SLCO1B1: variants seen among roughly 807,000 people sequenced by gnomAD.
SLCO1B1 encodes OATP-2.
A neutral mutation model predicts 70.1 loss-of-function variants in SLCO1B1; 81 were observed. The observed-to-expected ratio is 1.16, with a 90% CI of 0.97 to 1.39. The LOEUF (loss-of-function observed/expected upper bound fraction) is 1.39. SLCO1B1 is among the 40% of genes most tolerant of loss of function. The pLI is 0.00. For missense variants in SLCO1B1, 895 were observed against 799.6 expected, an observed-to-expected ratio of 1.12 and a Z score of -1.44; for synonymous variants, 283 against 271.5, an observed-to-expected ratio of 1.04 and a Z score of -0.42.
intron 14 of SLCO1B1, among the ~76,000 whole-genome samples, chr12:21,229,650 A>C (rs2121201135): frequency 6.6e-6 from 1 of 152,272 alleles, no homozygotes; most frequent in African/African-American, 2.4e-5. Context: ...ATGGCTTCCA[A>C]GTTTCATGTT....
intron 4 of SLCO1B1, 128 bp from the exon 5 acceptor site, chr12:21,176,648 C>A: frequency 1.4e-6 from 1 of 726,292 alleles, no homozygotes; most frequent in Non-Finnish European, 2.4e-6. Flanking sequence ...GGGAAATTGA[C>A]AGAAAGTACT....
In SLCO1B1 at chr12:21,141,559, T is replaced by C; in HGVS notation, c.-16T>C. The C allele has an allele frequency of 6.5e-7, 1 of 1,529,240 alleles. No homozygotes were observed. Among genetic ancestry groups the C allele is most frequent in the Non-Finnish European group, 9.1e-7 (1 of 1,104,482 alleles). The allele number at this position is 1,529,240 out of a possible 1,614,324, so 94.7% of individuals were successfully genotyped here. Reference sequence around the variant, plus strand: ...ATCAACAACAAAAACATTTGTATGATATCTATATTTCAATCATGGACCAAA... The same window carrying C: ...ATCAACAACAAAAACATTTGTATGACATCTATATTTCAATCATGGACCAAA... On this transcript the variant is annotated 5_prime_UTR_variant, in exon 2 of 15. Coordinates refer to ENST00000256958, the MANE Select transcript of SLCO1B1 (RefSeq NM_006446.5).
intron 2 of SLCO1B1, among the ~76,000 whole-genome samples, chr12:21,152,055 T>A (rs1181932731): frequency 1.3e-5 from 2 of 152,118 alleles, no homozygotes; most frequent in African/African-American, 4.8e-5. Context: ...AGTTTTTTGA[T>A]ACTTTGTTCT....
chr12:21,131,935 C>T (rs1329942689), intron 1 of SLCO1B1, among the ~76,000 whole-genome samples: 5 of 152,020 alleles, frequency 3.3e-5, no homozygotes, highest in African/African-American at 7.2e-5. Context: ...GTGCTGCACC[C>T]ATTAACTCAT....
chr12:21,207,855 T>C (rs1941231981), intron 11 of SLCO1B1, among the ~76,000 whole-genome samples: 1 of 152,058 alleles, frequency 6.6e-6, no homozygotes, highest in Non-Finnish European at 1.5e-5. Context: ...TGTGAGATGG[T>C]ATCTCCTTGG....
intron 1 of SLCO1B1, among the ~76,000 whole-genome samples, chr12:21,131,989 C>A (rs138959212): frequency 1.3e-5 from 2 of 152,160 alleles, no homozygotes; most frequent in East Asian, 3.9e-4. Flanking sequence ...CCTCCCCTCT[C>A]CCCCACCCCA....
At chr12:21,169,273 G>C (rs565088780) in intron 2 of SLCO1B1, among the ~76,000 whole-genome samples, 18 of 152,004 alleles carry the variant, frequency 1.2e-4, no homozygotes, top group Non-Finnish European at 4.4e-5. Flanking sequence ...AAATGTTTAG[G>C]TTCCTTTATC....
intron 2 of SLCO1B1, among the ~76,000 whole-genome samples, chr12:21,145,269 G>A (rs189404731): frequency 8.2e-4 from 124 of 152,130 alleles, no homozygotes; most frequent in African/African-American, 2.6e-3. Context: ...GTGTTACATA[G>A]AAACTCAATA....
intron 11 of SLCO1B1, among the ~76,000 whole-genome samples, chr12:21,210,779 G>T (rs11519275): frequency 6.8e-6 from 1 of 146,814 alleles, no homozygotes; most frequent in African/African-American, 2.5e-5. Flanking sequence ...CCTTCACATC[G>T]CTTGTAAGTT....
intron 4 of SLCO1B1, among the ~76,000 whole-genome samples, chr12:21,175,928 T>A (rs1363200408): frequency 6.6e-6 from 1 of 152,142 alleles, no homozygotes; most frequent in Non-Finnish European, 1.5e-5. Context: ...TATGCCATAA[T>A]ATGTGACACT....
chr12:21,221,643 C>G (rs778496545), intron 12 of SLCO1B1, among the ~76,000 whole-genome samples: 1 of 151,928 alleles, frequency 6.6e-6, no homozygotes, highest in Non-Finnish European at 1.5e-5. Flanking sequence ...CAACAAACAA[C>G]AAACATATGA....
intron 2 of SLCO1B1, among the ~76,000 whole-genome samples, chr12:21,154,627 G>A (rs1328917235): frequency 1.3e-5 from 2 of 151,708 alleles, no homozygotes; most frequent in African/African-American, 4.8e-5. Flanking sequence ...TTAAATTCTA[G>A]ACACTATGAC....
chr12:21,132,355 A>C (rs1291172495), intron 1 of SLCO1B1, among the ~76,000 whole-genome samples: 1 of 152,162 alleles, frequency 6.6e-6, no homozygotes, highest in East Asian at 1.9e-4. Context: ...ATATCCACTT[A>C]TGGGATGGCT....
At chr12:21,162,372 AT>A (rs1308546660) in intron 2 of SLCO1B1, among the ~76,000 whole-genome samples, 1 of 152,194 alleles carries the variant, frequency 6.6e-6, no homozygotes, top group Admixed American at 6.5e-5. Flanking sequence ...AAAGATATTC[AT>A]TGATAAACAC....
Position 21,148,920 on chromosome 12 carries a change from C to T in SLCO1B1, c.84+7262C>T, listed in dbSNP as rs185301394. Among the ~76,000 whole-genome samples, 784 of 152,076 alleles carry T rather than the reference C, an allele frequency of 5.2e-3. 2 individuals are homozygous for T. Among genetic ancestry groups the T allele is most frequent in the Middle Eastern group, 0.01 (3 of 294 alleles). ...TCATTGAGCAGTGGTTTGTAGTTCT[C>T]GTTGAAGAGGTCCCTCACACCCCTT... On this transcript the variant is annotated intron_variant, in intron 2 of 14. Coordinates refer to ENST00000256958, the MANE Select transcript of SLCO1B1 (RefSeq NM_006446.5).
chr12:21,232,018 T>C lies in SLCO1B1; in HGVS notation c.1866-6961T>C, dbSNP rs184443950. Among the ~76,000 whole-genome samples, 16 of 152,108 alleles carry C rather than the reference T, an allele frequency of 1.1e-4. No homozygotes were observed. In the East Asian group the frequency reaches 2.9e-3, roughly 28 times the overall value. On this transcript the variant is annotated intron_variant, in intron 14 of 14. Coordinates refer to ENST00000256958, the MANE Select transcript of SLCO1B1 (RefSeq NM_006446.5). ...AGTGTATGAGGTATTTTCAAATAGG[T>C]GGTAAGCAGTTTTTACAAGATCTAG...
At chr12:21,214,411 G>C (rs4573740) in intron 11 of SLCO1B1, among the ~76,000 whole-genome samples, 55,390 of 137,654 alleles carry the variant, frequency 0.4, 12,382 homozygotes, top group East Asian at 0.72. Flanking sequence ...AGGAGGCAGT[G>C]TGCCCGTTCT....
Position 21,178,680 on chromosome 12 carries a change from A to G in SLCO1B1, c.586A>G (p.Ile196Val), listed in dbSNP as rs1940852753. The G allele has an allele frequency of 2.5e-6, 4 of 1,607,546 alleles. No homozygotes were observed. Among genetic ancestry groups the G allele is most frequent in the East Asian group, 2.2e-5 (1 of 44,782 alleles). The stretch of plus-strand genomic sequence containing the variant: ...CATAGTACCATTGGGGCTTTCTTAC[A>G]TTGATGATTTCGCTAAAGAAGGACA... ...TPIVPLGLSY[I>V]DDFAKEGHSS... Residue 196 changes from isoleucine to valine, a missense_variant, in exon 6 of 15, where the codon ATT becomes GTT. Physicochemically the swap from Ile to Val is conservative, Grantham distance 29. Transcript: ENST00000256958.
intron 12 of SLCO1B1, among the ~76,000 whole-genome samples, chr12:21,221,624 A>T (rs968085658): frequency 6.6e-6 from 1 of 152,150 alleles, no homozygotes; most frequent in South Asian, 2.1e-4. Context: ...GTTTCAAAAG[A>T]CAAACAGTCA....
Sources: allele counts gnomAD v4.1 joint callset (sites outside exome capture counted in the v4.1 genomes callset), GRCh38; gene constraint gnomAD v4.1.1; transcripts MANE v1.5; gene names NCBI Gene and HGNC (gene_info 2026-07-23, HGNC 2026-07-21).